The following RNF144A variants were observed in gnomAD, a reference collection of about 807,000 sequenced individuals.
RNF144A encodes E3 ubiquitin-protein ligase RNF144A.
Under a neutral mutation model 38.7 loss-of-function variants are expected in RNF144A, and 11 were observed. The observed-to-expected ratio is 0.28, with a 90% CI of 0.18 to 0.47. RNF144A has a LOEUF of 0.47. RNF144A is among the 20% of genes least tolerant of loss of function. RNF144A has a pLI of 0.99. For synonymous variants in RNF144A, 149 were observed against 143.9 expected (o/e 1.04, Z -0.25); for missense variants, 316 against 377.2 (o/e 0.84, Z 1.34).
chr2:6,968,689 A>G lies in RNF144A; in HGVS notation c.-12+27542A>G, dbSNP rs562240996. On this transcript the variant is annotated intron_variant, in intron 2 of 8. Transcript: ENST00000320892. ...AAATAACACCCAGAATTACCTGTCA[A>G]TGTGTTTTTTTTTTTACAAATTTAG... 5.6e-3 allele frequency among the ~76,000 whole-genome samples: 674 copies of G among 120,092 alleles called. 4 individuals carry two copies. Among genetic ancestry groups the G allele is most frequent in the Middle Eastern group, 0.017 (4 of 232 alleles). The allele number at this position is 120,092 out of a possible 152,430, so 78.8% of individuals were successfully genotyped here.
At chr2:6,961,936 C>G (rs988659999) in intron 2 of RNF144A, among the ~76,000 whole-genome samples, 2 of 152,130 alleles carry the variant, frequency 1.3e-5, no homozygotes, top group African/African-American at 4.8e-5. Context: ...TTGAAACAGC[C>G]TCGTTGTCTG....
At chr2:6,971,915 A>G (rs1668020787) in intron 2 of RNF144A, among the ~76,000 whole-genome samples, 1 of 152,164 alleles carries the variant, frequency 6.6e-6, no homozygotes, top group South Asian at 2.1e-4. Flanking sequence ...TTTGAACCTA[A>G]TGCAGTTTCC....
chr2:6,947,337 C>T (rs1666403853), intron 2 of RNF144A, among the ~76,000 whole-genome samples: 1 of 151,858 alleles, frequency 6.6e-6, no homozygotes, highest in Non-Finnish European at 1.5e-5. Context: ...TGGTAACAAG[C>T]TATTTCAAAA....
At chr2:7,045,840 G>A (rs1213233373), downstream of RNF144A, among the ~76,000 whole-genome samples, 2 of 152,196 alleles carry the variant, frequency 1.3e-5, no homozygotes, top group East Asian at 3.9e-4. Context: ...CAGTCCAGAA[G>A]CAGTTCTTCC....
At chr2:7,057,214 T>C (rs541189859) in intron 6 of RNF144A, among the ~76,000 whole-genome samples, 1 of 152,382 alleles carries the variant, frequency 6.6e-6, no homozygotes, top group Non-Finnish European at 1.5e-5. Context: ...AATTGCATTG[T>C]ACTTATTTAC....
rs1023027642 is a variant in RNF144A, at chr2:6,990,396, A to G, written c.-11-6520A>G. Among the ~76,000 whole-genome samples the G allele has an allele frequency of 2.6e-3, 122 of 46,924 alleles. 3 individuals carry two copies. The highest frequency in any genetic ancestry group is 0.015 in the African/African-American group (98 of 6,360). The allele number at this position is 46,924 out of a possible 152,430, so 30.8% of individuals were successfully genotyped here. A position where few individuals can be genotyped will look rare whatever the true frequency, so the allele number is the denominator to read the frequency against. ...AGACTATATATATTTACACACACAC[A>G]CACACACACACACACACACACACAC... On this transcript the variant is annotated intron_variant, in intron 2 of 8. Coordinates refer to ENST00000320892, the MANE Select transcript of RNF144A (RefSeq NM_014746.6).
intron 1 of RNF144A, among the ~76,000 whole-genome samples, chr2:6,934,067 A>G (rs1572211536): frequency 6.6e-6 from 1 of 152,000 alleles, no homozygotes; most frequent in Non-Finnish European, 1.5e-5. Context: ...TGTGTGTTTT[A>G]TGTTTTGATC....
At chr2:7,073,117 C>T (rs897454104), downstream of RNF144A, among the ~76,000 whole-genome samples, 2 of 152,326 alleles carry the variant, frequency 1.3e-5, no homozygotes, top group East Asian at 1.9e-4. Flanking sequence ...CCCCAAAGAA[C>T]CCTGTCGCCA....
At chr2:6,978,217 A>G (rs538249199) in intron 2 of RNF144A, among the ~76,000 whole-genome samples, 8 of 152,350 alleles carry the variant, frequency 5.3e-5, no homozygotes, top group African/African-American at 1.9e-4. Flanking sequence ...TCAGAGGCCT[A>G]TGATGGCCTG....
intron 2 of RNF144A, among the ~76,000 whole-genome samples, chr2:6,990,137 T>G (rs906360167): frequency 6.6e-6 from 1 of 152,050 alleles, no homozygotes; most frequent in African/African-American, 2.4e-5. Context: ...CAACAGAAAT[T>G]TATTTTCTTG....
intron 2 of RNF144A, among the ~76,000 whole-genome samples, chr2:6,979,741 C>T (rs1035388293): frequency 6.6e-6 from 1 of 152,176 alleles, no homozygotes; most frequent in Non-Finnish European, 1.5e-5. Context: ...GAATTTGCCA[C>T]TTATTACCCA....
intron 3 of RNF144A, among the ~76,000 whole-genome samples, chr2:7,011,952 G>A (rs1020515561): frequency 2.0e-5 from 3 of 152,170 alleles, no homozygotes; most frequent in African/African-American, 7.2e-5. Context: ...GTTCACTCTT[G>A]GGTAGCTTTG....
At chr2:6,988,797 G>A (rs13035947) in intron 2 of RNF144A, among the ~76,000 whole-genome samples, 42,163 of 152,114 alleles carry the variant, frequency 0.28, 6,275 homozygotes, top group Non-Finnish European at 0.34. Context: ...TGAGGGCATA[G>A]CATCTATGAA....
intron 1 of RNF144A, among the ~76,000 whole-genome samples, chr2:6,939,094 T>A (rs1665796075): frequency 6.6e-6 from 1 of 152,210 alleles, no homozygotes; most frequent in South Asian, 2.1e-4. Flanking sequence ...TGTTGGGTGT[T>A]TACCTAGGTG....
intron 1 of RNF144A, chr2:6,933,059 A>G (rs1665303483): frequency 6.6e-6 from 1 of 152,266 alleles, no homozygotes; most frequent in Non-Finnish European, 1.5e-5. Flanking sequence ...ACCTCCACTT[A>G]TAGCGGCTGC....
At position 6,950,424 on chromosome 2, in the gene RNF144A, G is replaced by A. The variant is rs1392522927; in HGVS notation, c.-12+9277G>A. 3.3e-5 allele frequency among the ~76,000 whole-genome samples: 5 copies of A among 152,150 alleles called. No individual in the cohort carries two copies. The East Asian group carries it at 9.6e-4, about 29-fold the overall frequency. ...ATAATGTTGGCGTCGATTTCTTCAT[G>A]CATTCTCCTGCCATTGGATGTTTGG... On this transcript the variant is annotated intron_variant, in intron 2 of 8. Transcript: ENST00000320892.
At chr2:6,956,405 C>T (rs940457105) in intron 2 of RNF144A, among the ~76,000 whole-genome samples, 1 of 152,192 alleles carries the variant, frequency 6.6e-6, no homozygotes, top group African/African-American at 2.4e-5. Context: ...CAGCTTTCAG[C>T]TCCCTAATCT....
chr2:7,015,032 G>C (rs1034033453), intron 5 of RNF144A, among the ~76,000 whole-genome samples: 6 of 152,206 alleles, frequency 3.9e-5, no homozygotes, highest in Non-Finnish European at 7.3e-5. Flanking sequence ...AGGCTCCTGG[G>C]GGAGGCTTAA....
At chr2:7,059,004 C>G (rs750962383) in intron 6 of RNF144A, among the ~76,000 whole-genome samples, 1 of 151,886 alleles carries the variant, frequency 6.6e-6, no homozygotes, top group Non-Finnish European at 1.5e-5. Flanking sequence ...GGAGTGGGAG[C>G]TTTTTGACAT....
Sources: allele counts gnomAD v4.1 joint callset (sites outside exome capture counted in the v4.1 genomes callset), GRCh38; gene constraint gnomAD v4.1.1; transcripts MANE v1.5; gene names NCBI Gene and HGNC (gene_info 2026-07-23, HGNC 2026-07-21).